CTCFL: variants seen among roughly 807,000 people sequenced by gnomAD.
CTCFL encodes the protein transcriptional repressor CTCFL.
In CTCFL, 36 loss-of-function variants were observed where a neutral mutation model predicts 67.4. The ratio of observed to expected loss-of-function variants is 0.53; its 90% CI spans 0.41 to 0.71. The LOEUF (loss-of-function observed/expected upper bound fraction) is 0.71, where lower values mean the gene tolerates loss of function less well. Ranked by LOEUF, CTCFL falls within the 30% of genes least tolerant of loss-of-function variation. The pLI is 0.00. For missense variants in CTCFL, 786 were observed against 835.2 expected, an observed-to-expected ratio of 0.94 and a Z score of 0.73; for synonymous variants, 324 against 302.3, an observed-to-expected ratio of 1.07 and a Z score of -0.75.
Position 57,515,749 on chromosome 20 carries a change from G to A in CTCFL, c.1145C>T (p.Thr382Ile), listed in dbSNP as rs1555853443. 1.2e-6 allele frequency: 2 copies of A among 1,614,120 alleles called. No individual in the cohort carries two copies. Residue 382 changes from threonine (T) to isoleucine (I), a missense_variant, in exon 6 of 11, where the codon ACC (threonine) becomes ATC (isoleucine). Thr to Ile is a moderately conservative substitution (Grantham distance 89, BLOSUM62 -1). This residue lies in a region of CTCFL where 254 missense variants were observed against 333.9 expected (regional missense o/e 0.76). Transcript: ENST00000243914. ...CCQCSYASRD[T>I]YKLKRHMRTH... Reference sequence around the variant, plus strand: ...TCTCATGTGGCGTTTCAGCTTGTAGGTATCTCTGCTGGCATAGCTGCACTG... The same window carrying A: ...TCTCATGTGGCGTTTCAGCTTGTAGATATCTCTGCTGGCATAGCTGCACTG...
intron 10 of CTCFL, among the ~76,000 whole-genome samples, chr20:57,500,705 G>A (rs1293517033): frequency 1.3e-5 from 2 of 152,152 alleles, no homozygotes; most frequent in Non-Finnish European, 2.9e-5. Flanking sequence ...CCTATCATCA[G>A]TTTTTAAGCC....
chr20:57,507,105 T>C lies in CTCFL; in HGVS notation c.1674+1501A>G, dbSNP rs578241841. On this transcript the variant is annotated intron_variant, in intron 9 of 10. Coordinates refer to ENST00000243914, the MANE Select transcript of CTCFL (RefSeq NM_001386993.1). The stretch of plus-strand genomic sequence containing the variant: ...TGGTTTTTAAATGTCCTGAAATTCT[T>C]TGATGCTGTTCCTTTCAAAAGAAAC... 9.6e-6 allele frequency: 9 copies of C among 940,888 alleles called. No homozygotes were observed. In the Admixed American group the frequency reaches 4.0e-4, roughly 41 times the overall value. 58.3% of individuals were successfully genotyped at this position (940,888 alleles called of 1,614,324 possible).
Position 57,523,721 on chromosome 20 carries a change from A to T in CTCFL, c.485T>A (p.Val162Glu). The T allele has an allele frequency of 6.2e-7, 1 of 1,613,252 alleles. No individual in the cohort carries two copies. The highest frequency in any genetic ancestry group is 8.5e-7 in the Non-Finnish European group (1 of 1,179,982). The change falls in exon 2 of 11, where the codon GTG becomes GAG. Residue 162 changes from valine to glutamate, a missense_variant. Transcript: ENST00000243914. Reference sequence around the variant, plus strand: ...CGCTAACTTACTGTCTTCACTGGCCACCATCACATTCTCCTCTAGAGCGTG... The same window carrying T: ...CGCTAACTTACTGTCTTCACTGGCCTCCATCACATTCTCCTCTAGAGCGTG... ...QFHALEENVM[V>E]ASEDSKLAVS...
At chr20:57,503,717 G>A (rs189627237) in intron 9 of CTCFL, 116 bp from the exon 10 acceptor site, 1 of 1,090,872 alleles carries the variant, frequency 9.2e-7, no homozygotes, top group East Asian at 2.4e-5. Flanking sequence ...GTTCTTTCGA[G>A]GGCAATTCCA....
intron 1 of CTCFL, chr20:57,524,417 A>G: frequency 7.1e-7 from 1 of 1,411,742 alleles, no homozygotes; most frequent in Non-Finnish European, 9.2e-7. Context: ...GATTTAGGCT[A>G]AAGCAGGATT....
intron 10 of CTCFL, among the ~76,000 whole-genome samples, chr20:57,499,079 G>GT (rs1484413311): frequency 1.6e-5 from 2 of 121,922 alleles, no homozygotes; most frequent in African/African-American, 2.9e-5. Context: ...GTGACGGGGG[G>GT]GGGGTGGGGG....
chr20:57,502,400 A>G (rs2067965052), intron 10 of CTCFL, among the ~76,000 whole-genome samples: 1 of 152,240 alleles, frequency 6.6e-6, no homozygotes, highest in Admixed American at 6.5e-5. Flanking sequence ...GACACATTTA[A>G]ACAATGATTC....
At chr20:57,504,445 A>C (rs1600641926) in intron 9 of CTCFL, among the ~76,000 whole-genome samples, 1 of 151,210 alleles carries the variant, frequency 6.6e-6, no homozygotes, top group Admixed American at 6.6e-5. Flanking sequence ...ACACCCAGCT[A>C]ATTTTTGTTA....
In CTCFL at chr20:57,512,647, G is replaced by C. The variant is rs769683758; in HGVS notation, c.1436C>G (p.Thr479Ser). Residue 479 changes from threonine (T) to serine (S), a missense_variant, in exon 8 of 11, where the codon ACT becomes AGT. Thr to Ser is a moderately conservative substitution (Grantham distance 58, BLOSUM62 1). Transcript: ENST00000243914. Reference protein sequence around the residue: ...ERYALIQHQKTHKNEKRFKCK... With the variant: ...ERYALIQHQKSHKNEKRFKCK... ...CTTGAACCTCTTCTCATTCTTATGA[G>C]TTTTCTGGTGCTGAATGAGGGCATA... 4 of 1,614,104 alleles carry C rather than the reference G, an allele frequency of 2.5e-6. No homozygotes were observed. The highest frequency in any genetic ancestry group is 3.4e-6 in the Non-Finnish European group (4 of 1,180,040).
In CTCFL at chr20:57,523,908, G is replaced by T; in HGVS notation, c.298C>A (p.Leu100Met). Residue 100 changes from leucine to methionine, a missense_variant, in exon 2 of 11, where the codon CTG becomes ATG. Leu to Met is a conservative substitution (Grantham distance 15, BLOSUM62 2). This residue lies in a region of CTCFL where 333 missense variants were observed against 304.6 expected (regional missense o/e 1.09). Coordinates refer to ENST00000243914, the MANE Select transcript of CTCFL (RefSeq NM_001386993.1). Reference protein sequence around the residue: ...EAVELQDMSLLSIQQQEGVQV... With the variant: ...EAVELQDMSLMSIQQQEGVQV... ...ACCCCTTCTTGCTGCTGTATGCTCAGCAAGCTCATATCCTGCAACTCCACA... is the reference window on the plus strand; with the variant it reads ...ACCCCTTCTTGCTGCTGTATGCTCATCAAGCTCATATCCTGCAACTCCACA... 2 of 1,613,184 alleles carry T rather than the reference G, an allele frequency of 1.2e-6. No individual in the cohort carries two copies. Among genetic ancestry groups the T allele is most frequent in the Non-Finnish European group, 1.7e-6 (2 of 1,180,038 alleles).
chr20:57,515,948 C>T, intron 5 of CTCFL, 114 bp from the exon 6 acceptor site: 1 of 1,200,820 alleles, frequency 8.3e-7, no homozygotes, highest in Non-Finnish European at 1.2e-6. Context: ...CATCAGAGCA[C>T]CAGAGCATAT....
intron 9 of CTCFL, among the ~76,000 whole-genome samples, chr20:57,504,193 G>C (rs530214643): frequency 2.0e-4 from 31 of 151,726 alleles, no homozygotes; most frequent in African/African-American, 6.8e-4. Flanking sequence ...AGCCAGGATG[G>C]TCTCGATCTC....
At chr20:57,504,265 T>C (rs148132832) in intron 9 of CTCFL, among the ~76,000 whole-genome samples, 12,279 of 146,744 alleles carry the variant, frequency 0.084, 892 homozygotes, top group Middle Eastern at 0.18. Flanking sequence ...CATGAGCCAC[T>C]GCACCCGCCC....
chr20:57,524,887 G>T (rs1220592038), intron 1 of CTCFL, 141 bp downstream of exon 1: 1 of 367,960 alleles, frequency 2.7e-6, no homozygotes, highest in African/African-American at 2.8e-5. Flanking sequence ...GCCCCGCCCC[G>T]ACCCGACCCT....
rs567792234 is a variant in CTCFL, at chr20:57,517,266, C to T, written c.1060-1432G>A. ...GACTCTTAAAGGTGGGATGGGAGGA[C>T]AATGGGAGTTCAAATGCTTTTTTTT... On this transcript the variant is annotated intron_variant, in intron 5 of 10. Coordinates refer to ENST00000243914, the MANE Select transcript of CTCFL (RefSeq NM_001386993.1). Among the ~76,000 whole-genome samples the T allele has an allele frequency of 5.7e-4, 84 of 146,690 alleles. No homozygotes were observed. In the Middle Eastern group the frequency reaches 0.011, roughly 19 times the overall value.
At chr20:57,524,364 T>C in intron 1 of CTCFL, 148 bp from the exon 2 acceptor site, 2 of 1,462,748 alleles carry the variant, frequency 1.4e-6, no homozygotes, top group Non-Finnish European at 1.8e-6. Flanking sequence ...GTCAGAACAA[T>C]GCTGATCTGG....
chr20:57,501,206 C>G (rs934997406), intron 10 of CTCFL, among the ~76,000 whole-genome samples: 1 of 152,200 alleles, frequency 6.6e-6, no homozygotes, highest in Admixed American at 6.5e-5. Context: ...CTTGGAGGAG[C>G]CTGCGGTGCC....
At chr20:57,511,763 TG>T (rs2062394742) in intron 8 of CTCFL, among the ~76,000 whole-genome samples, 1 of 152,136 alleles carries the variant, frequency 6.6e-6, no homozygotes, top group South Asian at 2.1e-4. Context: ...AACTAATTTT[TG>T]TATTTTTTAA....
In CTCFL at chr20:57,524,227, A is replaced by C; in HGVS notation, c.-11-11T>G. On this transcript the variant is annotated splice_polypyrimidine_tract_variant and intron_variant, in intron 1 of 10. Coordinates refer to ENST00000243914, the MANE Select transcript of CTCFL (RefSeq NM_001386993.1). ...CCATAATGACTTGGCCTGTTTGAAA[A>C]ATAAGCAAGCGGTTTCCATAGGGGG... The C allele has an allele frequency of 6.2e-7, 1 of 1,602,048 alleles. No homozygotes were observed. Among genetic ancestry groups the C allele is most frequent in the Non-Finnish European group, 8.5e-7 (1 of 1,175,112 alleles).
Sources: gnomAD v4.1 joint callset for allele counts (sites outside exome capture counted in the v4.1 genomes callset) on GRCh38, gnomAD v4.1.1 for gene constraint, gnomAD v4.1.1 regional missense constraint, MANE v1.5 for transcripts, NCBI Gene and HGNC (gene_info 2026-07-23, HGNC 2026-07-21) for gene names.